The following USP46 variants were observed in gnomAD, a reference collection of about 807,000 sequenced individuals.
USP46 encodes ubiquitin specific peptidase 46, also known as ubiquitin carboxyl-terminal hydrolase 46.
Under a neutral mutation model 44.4 loss-of-function variants are expected in USP46, and 12 were observed. The observed-to-expected ratio is 0.27, with a 90% CI of 0.17 to 0.44. The LOEUF is 0.44. USP46 is among the 20% of genes least tolerant of loss of function. The pLI, the probability that USP46 is intolerant of heterozygous loss-of-function variation, is 1.00. For missense variants in USP46, 248 were observed against 444.8 expected (o/e 0.56, Z 3.98); for synonymous variants, 155 against 161.5 (o/e 0.96, Z 0.31).
chr4:52,609,578 C>T (rs937743136), intron 5 of USP46, among the ~76,000 whole-genome samples: 1 of 152,178 alleles, frequency 6.6e-6, no homozygotes, highest in African/African-American at 2.4e-5. Flanking sequence ...AGTGGCAACA[C>T]CTGGCAGGCT....
chr4:52,608,933 C>T (rs1257029966), intron 5 of USP46, among the ~76,000 whole-genome samples: 1 of 152,178 alleles, frequency 6.6e-6, no homozygotes, highest in Admixed American at 6.5e-5. Flanking sequence ...GGGTCTAAGG[C>T]GCTCAAGTGG....
intron 1 of USP46, among the ~76,000 whole-genome samples, chr4:52,642,505 G>C (rs1718385652): frequency 6.6e-6 from 1 of 152,178 alleles, no homozygotes; most frequent in African/African-American, 2.4e-5. Flanking sequence ...CCACAGAACT[G>C]AAAGAACTGA....
intron 1 of USP46, among the ~76,000 whole-genome samples, chr4:52,632,260 T>C (rs892200269): frequency 3.9e-5 from 6 of 152,178 alleles, no homozygotes; most frequent in Non-Finnish European, 8.8e-5. Flanking sequence ...TTAAACCTTT[T>C]GTTGAGCCCC....
In USP46 at chr4:52,627,936, T is replaced by G. The variant is rs1717655708; in HGVS notation, c.331+14A>C. 1 of 1,606,902 alleles carries G rather than the reference T, an allele frequency of 6.2e-7. No individual in the cohort carries two copies. The highest frequency in any genetic ancestry group is 1.3e-5 in the African/African-American group (1 of 74,852). ...TTTCAGAGGCTTAAATACATTATACTGCATACTACTCACCATTCTCTTTTC... is the reference window on the plus strand; with the variant it reads ...TTTCAGAGGCTTAAATACATTATACGGCATACTACTCACCATTCTCTTTTC... On this transcript the variant is annotated intron_variant, in intron 3 of 8. Coordinates refer to ENST00000441222, the MANE Select transcript of USP46 (RefSeq NM_022832.4).
intron 1 of USP46, among the ~76,000 whole-genome samples, chr4:52,636,549 T>C (rs1718122841): frequency 6.6e-6 from 1 of 151,288 alleles, no homozygotes; most frequent in Non-Finnish European, 1.5e-5. Context: ...CTAGTAAAAA[T>C]ACAAAAATTA....
chr4:52,607,924 T>C (rs1332734314), intron 5 of USP46, among the ~76,000 whole-genome samples: 4 of 152,210 alleles, frequency 2.6e-5, no homozygotes, highest in Non-Finnish European at 4.4e-5. Flanking sequence ...CTTTTCTTTA[T>C]AAATTACCCA....
In USP46 at chr4:52,591,665, A is replaced by T. The variant is rs900071080; in HGVS notation, c.*5975T>A. ...TCTGACTCTGGTATCTCATAACCAA[A>T]ATGAAGCTATTTTTCCTTTGTAAGC... On this transcript the variant is annotated 3_prime_UTR_variant, in exon 9 of 9. Transcript: ENST00000441222. 3 of 152,208 alleles carry T rather than the reference A, an allele frequency of 2.0e-5. No individual in the cohort carries two copies. The highest frequency in any genetic ancestry group is 7.2e-5 in the African/African-American group (3 of 41,444). The allele number at this position is 152,208 out of a possible 1,614,324, so 9.4% of individuals were successfully genotyped here. A position where few individuals can be genotyped will look rare whatever the true frequency, so the allele number is the denominator to read the frequency against.
chr4:52,607,939 C>T lies in USP46; in HGVS notation c.638+2602G>A, dbSNP rs576768051. Among the ~76,000 whole-genome samples, 21 of 152,228 alleles carry T rather than the reference C, an allele frequency of 1.4e-4. 1 individual carries two copies. Among genetic ancestry groups the T allele is most frequent in the South Asian group, 8.3e-4 (4 of 4,828 alleles). On this transcript the variant is annotated intron_variant, in intron 5 of 8. Transcript: ENST00000441222. Reference sequence around the variant, plus strand: ...CTTTTCTTTATAAATTACCCAATCTCGGGTATTTATTTATAGCAATGTGGG... The same window carrying T: ...CTTTTCTTTATAAATTACCCAATCTTGGGTATTTATTTATAGCAATGTGGG...
intron 4 of USP46, among the ~76,000 whole-genome samples, chr4:52,619,703 A>G (rs1010833628): frequency 6.6e-6 from 1 of 152,216 alleles, no homozygotes; most frequent in Non-Finnish European, 1.5e-5. Flanking sequence ...AGAGCTTTCT[A>G]AAAATGGAAT....
intron 1 of USP46, among the ~76,000 whole-genome samples, chr4:52,631,930 T>C (rs1717840568): frequency 6.6e-6 from 1 of 151,592 alleles, no homozygotes; most frequent in Non-Finnish European, 1.5e-5. Flanking sequence ...TGCTTGAACC[T>C]GGGGGCTGGA....
At chr4:52,632,956 G>GAAAGAAAGAAAGAA (rs1577683802) in intron 1 of USP46, among the ~76,000 whole-genome samples, 1 of 71,650 alleles carries the variant, frequency 1.4e-5, no homozygotes, top group Non-Finnish European at 2.6e-5. Context: ...AAGAAAGAAA[G>GAAAGAAAGAAAGAA]AAAGAAAGAA....
At chr4:52,604,416 T>C in intron 6 of USP46, 85 bp downstream of exon 6, 1 of 1,120,200 alleles carries the variant, frequency 8.9e-7, no homozygotes, top group South Asian at 1.4e-5. Flanking sequence ...GTAGCTGAGA[T>C]TGATTCAAAG....
intron 4 of USP46, among the ~76,000 whole-genome samples, chr4:52,620,314 G>A (rs1158290304): frequency 6.6e-6 from 1 of 152,216 alleles, no homozygotes; most frequent in African/African-American, 2.4e-5. Flanking sequence ...TGTTACTGTA[G>A]AGTCTGGTGC....
intron 1 of USP46, among the ~76,000 whole-genome samples, chr4:52,632,918 G>GAAAGAAAGAAAGAAGGAA (rs34224846): frequency 2.8e-5 from 1 of 35,176 alleles, no homozygotes; most frequent in Non-Finnish European, 6.3e-5. Context: ...AAGAAAGAAA[G>GAAAGAAAGAAAGAAGGAA]AGAAAGAAAG....
At chr4:52,602,120 C>T in intron 6 of USP46, 66 bp from the exon 7 acceptor site, 1 of 1,513,036 alleles carries the variant, frequency 6.6e-7, no homozygotes, top group South Asian at 1.3e-5. Context: ...AATACACTGT[C>T]ATCTGCACAA....
chr4:52,658,785 C>T (rs1269646195), intron 1 of USP46, among the ~76,000 whole-genome samples: 1 of 152,128 alleles, frequency 6.6e-6, no homozygotes, highest in Non-Finnish European at 1.5e-5. Flanking sequence ...ATCCCCCACC[C>T]CCTCCCCGGG....
At chr4:52,615,286 A>G (rs1425673774) in intron 4 of USP46, among the ~76,000 whole-genome samples, 1 of 152,156 alleles carries the variant, frequency 6.6e-6, no homozygotes, top group African/African-American at 2.4e-5. Flanking sequence ...TGCCGTCCGC[A>G]AGAGCTAAAC....
intron 1 of USP46, among the ~76,000 whole-genome samples, chr4:52,646,877 A>G (rs942978369): frequency 2.0e-5 from 3 of 152,262 alleles, no homozygotes; most frequent in African/African-American, 7.2e-5. Flanking sequence ...GTTTCTGGGT[A>G]GCACACTGCT....
chr4:52,612,657 C>T (rs994478321), intron 4 of USP46, among the ~76,000 whole-genome samples: 2 of 152,218 alleles, frequency 1.3e-5, no homozygotes, highest in African/African-American at 4.8e-5. Flanking sequence ...CAAGGCATTC[C>T]AGCCAAGCCC....
Sources: gnomAD v4.1 joint callset for allele counts (sites outside exome capture counted in the v4.1 genomes callset) on GRCh38, gnomAD v4.1.1 for gene constraint, MANE v1.5 for transcripts, NCBI Gene and HGNC (gene_info 2026-07-23, HGNC 2026-07-21) for gene names.